Variants in CFAP74 observed in about 807,000 individuals in gnomAD.
CFAP74 encodes cilia- and flagella-associated protein 74.
A neutral mutation model predicts 188.9 loss-of-function variants in CFAP74; 124 were observed. The ratio of observed to expected loss-of-function variants is 0.66; its 90% confidence interval spans 0.57 to 0.76. The LOEUF (loss-of-function observed/expected upper bound fraction) is 0.76, where lower values mean the gene tolerates loss of function less well. Among genes scored for constraint, CFAP74 ranks in the 30% least tolerant of loss-of-function variants. CFAP74 has a pLI of 0.00. For synonymous variants in CFAP74, 956 were observed against 916.7 expected, an observed-to-expected ratio of 1.04 and a Z score of -0.77; for missense variants, 2,198 against 2,165.2, an observed-to-expected ratio of 1.02 and a Z score of -0.30.
intron 6 of CFAP74, chr1:1,983,906 G>C (rs1226268457): frequency 6.6e-6 from 1 of 151,888 alleles, no homozygotes; most frequent in Non-Finnish European, 1.5e-5. Flanking sequence ...AGCCAGGATG[G>C]TCTCGATCTC....
Position 1,965,572 on chromosome 1 carries a change from C to T in CFAP74, c.1402-511G>A, listed in dbSNP as rs568401594. On this transcript the variant is annotated intron_variant, in intron 12 of 38. Transcript: ENST00000682832. ...CCCTTCAGAAGCTGCTTGGACTCTGCGTGGGTCCTGGCTCTGGGCTGTGGG... is the reference window on the plus strand; with the variant it reads ...CCCTTCAGAAGCTGCTTGGACTCTGTGTGGGTCCTGGCTCTGGGCTGTGGG... Among the ~76,000 whole-genome samples, 22 of 152,262 alleles carry T rather than the reference C, an allele frequency of 1.4e-4. No homozygotes were observed. The South Asian group carries it at 4.4e-3, about 30-fold the overall frequency.
chr1:1,948,944 C>T (rs1203966935), intron 18 of CFAP74, among the ~76,000 whole-genome samples: 5 of 58,474 alleles, frequency 8.6e-5, no homozygotes, highest in Admixed American at 3.2e-4. Context: ...TCCTCCCTTC[C>T]TTTCCCTCCC....
chr1:1,964,255 C>T (rs1655299204), intron 13 of CFAP74, among the ~76,000 whole-genome samples: 3 of 152,224 alleles, frequency 2.0e-5, no homozygotes, highest in Admixed American at 6.5e-5. Flanking sequence ...CAGAGGCGTC[C>T]AGGCACCAAC....
rs1234069084 is a variant in CFAP74, at chr1:1,966,508, C to T, written c.1264G>A (p.Gly422Ser). 1.3e-6 allele frequency: 2 copies of T among 1,576,098 alleles called. No individual in the cohort carries two copies. The highest frequency in any genetic ancestry group is 1.7e-6 in the Non-Finnish European group (2 of 1,157,824). The stretch of plus-strand genomic sequence containing the variant: ...TCCAGCAACCGAGAGGGCCCGGGGC[C>T]TGCAGCAGCCTCGTAGTCCTGCAGT... The part of the protein sequence containing the change: ...TYTLDYEAAA[G>S]PGPSRLLEVV... Residue 422 changes from glycine (G) to serine (S), a missense_variant, in exon 12 of 39, where the codon GGC becomes AGC. Physicochemically the swap from Gly to Ser is moderately conservative, Grantham distance 56 (BLOSUM62 0). Coordinates refer to ENST00000682832, the MANE Select transcript of CFAP74 (RefSeq NM_001304360.2).
At chr1:1,996,687 G>A (rs575658695) in intron 1 of CFAP74, among the ~76,000 whole-genome samples, 49 of 152,158 alleles carry the variant, frequency 3.2e-4, no homozygotes, top group South Asian at 4.1e-4. Context: ...TTTGGAGGCC[G>A]AGGCGGGTGG....
chr1:1,952,869 G>T lies in CFAP74; in HGVS notation c.2176+2822C>A, dbSNP rs182539573. ...GATGGAGTCTCCCTATGTTTCCCAGGCTGGTCTCAAACTCCTGAGCTCAAG... is the reference window on the plus strand; with the variant it reads ...GATGGAGTCTCCCTATGTTTCCCAGTCTGGTCTCAAACTCCTGAGCTCAAG... On this transcript the variant is annotated intron_variant, in intron 18 of 38. Transcript: ENST00000682832. 7.7e-4 allele frequency among the ~76,000 whole-genome samples: 117 copies of T among 152,112 alleles called. 1 individual carries two copies. Among genetic ancestry groups the T allele is most frequent in the South Asian group, 4.2e-4 (2 of 4,808 alleles).
chr1:1,975,423 C>T lies in CFAP74; in HGVS notation c.501-1225G>A, dbSNP rs926818303. ...GGGAGGTGTGTCTGCGTGTCTCACA[C>T]GTGGCTGGATTTCAATGTTGAATGT... On this transcript the variant is annotated intron_variant, in intron 6 of 38. Coordinates refer to ENST00000682832, the MANE Select transcript of CFAP74 (RefSeq NM_001304360.2). The surrounding 1 kb of genome is among the most constrained non-coding windows in gnomAD (Gnocchi z 4.5). Among the ~76,000 whole-genome samples, 3 of 152,194 alleles carry T rather than the reference C, an allele frequency of 2.0e-5. No individual in the cohort carries two copies. Among genetic ancestry groups the T allele is most frequent in the Non-Finnish European group, 4.4e-5 (3 of 68,046 alleles).
intron 33 of CFAP74, among the ~76,000 whole-genome samples, chr1:1,924,853 C>T (rs1261082016): frequency 6.6e-6 from 1 of 152,254 alleles, no homozygotes; most frequent in Admixed American, 6.5e-5. Context: ...TCCCTGCCCT[C>T]ACCCCCTCTC....
In CFAP74 at chr1:1,944,427, G is replaced by A. The variant is rs1450199982; in HGVS notation, c.2390C>T (p.Ala797Val). The change falls in exon 21 of 39, where the codon GCC becomes GTC. Residue 797 changes from alanine to valine, a missense_variant. Transcript: ENST00000682832. ...CGGCACCCAGACCGGCACATCGATG[G>A]CCACGCCCACGACCCTGAAATGCAG... ...PTLHFRVVGV[A>V]IDVPVWVPKP... 2.0e-6 allele frequency: 3 copies of A among 1,536,046 alleles called. No homozygotes were observed. The highest frequency in any genetic ancestry group is 1.7e-4 in the Middle Eastern group (1 of 5,988).
intron 1 of CFAP74, among the ~76,000 whole-genome samples, chr1:1,995,546 G>A (rs1282325243): frequency 6.6e-6 from 1 of 150,904 alleles, no homozygotes; most frequent in African/African-American, 2.4e-5. Context: ...AAACTTTCAG[G>A]TTAAAACCTA....
At chr1:1,947,630 C>G (rs752347807) in intron 18 of CFAP74, among the ~76,000 whole-genome samples, 35 of 152,218 alleles carry the variant, frequency 2.3e-4, no homozygotes, top group Non-Finnish European at 4.3e-4. Context: ...TGAACAGAGG[C>G]AATTCGAGAG....
intron 9 of CFAP74, among the ~76,000 whole-genome samples, 170 bp from the exon 10 acceptor site, chr1:1,970,986 G>C (rs946921720): frequency 2.1e-5 from 3 of 140,390 alleles, no homozygotes; most frequent in African/African-American, 8.2e-5. Context: ...CTGCACACAC[G>C]TGCACACACA....
intron 1 of CFAP74, among the ~76,000 whole-genome samples, chr1:1,993,251 A>AT (rs202226046): frequency 0.011 from 1,603 of 149,010 alleles, 13 homozygotes; most frequent in Non-Finnish European, 0.016. Context: ...CTCTTTACTT[A>AT]TTTTTTTCTG....
chr1:1,988,765 G>T, intron 3 of CFAP74, 110 bp from the exon 4 acceptor site: 2 of 1,394,274 alleles, frequency 1.4e-6, no homozygotes, highest in Non-Finnish European at 2.0e-6. Flanking sequence ...CAGGGCGGGA[G>T]CTGCGGGAGC....
intron 6 of CFAP74, among the ~76,000 whole-genome samples, chr1:1,980,965 G>T (rs764010731): frequency 3.9e-5 from 6 of 152,232 alleles, no homozygotes; most frequent in Admixed American, 6.5e-5. Flanking sequence ...GCTGGGGAAG[G>T]TTCAGGTGCT....
intron 6 of CFAP74, among the ~76,000 whole-genome samples, chr1:1,977,245 G>A (rs1656508668): frequency 6.6e-6 from 1 of 152,194 alleles, no homozygotes; most frequent in Non-Finnish European, 1.5e-5. Flanking sequence ...CAATTTCAGG[G>A]GCACTGGCCT....
intron 26 of CFAP74, among the ~76,000 whole-genome samples, chr1:1,929,458 C>T (rs183182010): frequency 9.4e-6 from 1 of 106,382 alleles, no homozygotes; most frequent in East Asian, 2.8e-4. Context: ...AGGAGAGCTG[C>T]ATCTGCAGTA....
At chr1:1,962,255 C>T (rs1028758707) in intron 14 of CFAP74, among the ~76,000 whole-genome samples, 4 of 152,020 alleles carry the variant, frequency 2.6e-5, no homozygotes, top group Admixed American at 6.5e-5. Context: ...GGCCTCGGAT[C>T]ACCTGAGGTC....
chr1:1,994,426 A>G (rs1657803925), intron 1 of CFAP74, among the ~76,000 whole-genome samples: 1 of 152,178 alleles, frequency 6.6e-6, no homozygotes, highest in African/African-American at 2.4e-5. Context: ...TGTTTCTTGG[A>G]TAAATTATTA....
Sources: allele counts gnomAD v4.1 joint callset (sites outside exome capture counted in the v4.1 genomes callset), GRCh38; gene constraint gnomAD v4.1.1; non-coding constraint Gnocchi (gnomAD v3.1); transcripts MANE v1.5; gene names NCBI Gene and HGNC (gene_info 2026-07-23, HGNC 2026-07-21).